TEX36: variants seen among roughly 807,000 people sequenced by gnomAD.
TEX36 encodes the protein testis expressed 36, also known as testis-expressed protein 36.
A neutral mutation model predicts 13.6 loss-of-function variants in TEX36; 12 were observed. The observed-to-expected ratio is 0.88, with a 90% CI of 0.56 to 1.43. TEX36 has a LOEUF of 1.43. Among genes scored for constraint, TEX36 ranks in the 40% most tolerant of loss-of-function variants. The pLI is 0.00. For missense variants in TEX36, 224 were observed against 228.3 expected (o/e 0.98, Z 0.12); for synonymous variants, 93 against 83.0 (o/e 1.12, Z -0.65).
chr10:125,602,386 C>A (rs777181215), intron 3 of TEX36, among the ~76,000 whole-genome samples: 2 of 152,166 alleles, frequency 1.3e-5, no homozygotes, highest in Non-Finnish European at 2.9e-5. Flanking sequence ...CTCATCACAT[C>A]CCTCTACCAC....
intron 3 of TEX36, among the ~76,000 whole-genome samples, chr10:125,603,212 C>T (rs1315812321): frequency 6.6e-6 from 1 of 152,200 alleles, no homozygotes; most frequent in African/African-American, 2.4e-5. Context: ...CTCTCCATGG[C>T]CCCCCGCCAG....
Position 125,656,144 on chromosome 10 carries a change from T to C in TEX36, c.317A>G (p.Asn106Ser). 6.5e-7 allele frequency: 1 copy of C among 1,546,232 alleles called. No individual in the cohort carries two copies. The highest frequency in any genetic ancestry group is 8.7e-7 in the Non-Finnish European group (1 of 1,145,556). ...ATAGTCACATGCCCAGAGATTAAAA[T>C]TTCTTGAAACATGTTGCCTCTTATC... is the stretch of plus-strand genomic sequence containing the variant. ...SPDKRQHVSRNFNLWACDYVP... is the reference protein window; with the variant it reads ...SPDKRQHVSRSFNLWACDYVP... Residue 106 changes from asparagine (N) to serine (S), a missense_variant, in exon 4 of 4, where the codon AAT becomes AGT. By Grantham distance (46) the Asn-to-Ser change is conservative. Transcript: ENST00000368821.
At chr10:125,615,241 G>T (rs297230) in intron 3 of TEX36, among the ~76,000 whole-genome samples, 36,791 of 151,604 alleles carry the variant, frequency 0.24, 4,822 homozygotes, top group African/African-American at 0.35. Context: ...GGGACAATTT[G>T]ACTTCCTCTT....
intron 1 of TEX36, chr10:125,667,242 TG>T: frequency 1.6e-6 from 1 of 629,644 alleles, no homozygotes; most frequent in Admixed American, 1.9e-5. Flanking sequence ...AGGGATGGCC[TG>T]GGGTGACCAT....
chr10:125,641,911 G>C (rs1846698467), intron 3 of TEX36, among the ~76,000 whole-genome samples: 1 of 152,166 alleles, frequency 6.6e-6, no homozygotes, highest in African/African-American at 2.4e-5. Context: ...TATCTCTTTT[G>C]TAGAAAACTA....
intron 1 of TEX36, among the ~76,000 whole-genome samples, chr10:125,664,984 T>C (rs533646629): frequency 3.5e-4 from 53 of 152,332 alleles, no homozygotes; most frequent in African/African-American, 1.2e-3. Flanking sequence ...TGAGCACCTT[T>C]CCATATACCT....
exon 4 of TEX36, chr10:125,576,580 AAG>A: frequency 1.1e-6 from 1 of 931,618 alleles, no homozygotes; most frequent in South Asian, 1.8e-5. Context: ...CAAGCAGAAT[AAG>A]AGGATTTCTC....
chr10:125,603,555 T>C (rs1232807392), intron 3 of TEX36, among the ~76,000 whole-genome samples: 4 of 152,110 alleles, frequency 2.6e-5, no homozygotes, highest in South Asian at 2.1e-4. Context: ...TGTGCCATCA[T>C]TCTCACCTCT....
At chr10:125,599,996 T>C (rs900214771) in intron 3 of TEX36, among the ~76,000 whole-genome samples, 7 of 152,172 alleles carry the variant, frequency 4.6e-5, no homozygotes, top group African/African-American at 1.7e-4. Context: ...AAAGCTTCAG[T>C]CCCTCATTTC....
chr10:125,640,938 A>G (rs11244592), intron 3 of TEX36, among the ~76,000 whole-genome samples: 11,370 of 151,556 alleles, frequency 0.075, 835 homozygotes, highest in East Asian at 0.31. Flanking sequence ...TTAGCTCATC[A>G]TTTCAACCCT....
At chr10:125,648,172 G>A (rs1846801373) in intron 3 of TEX36, among the ~76,000 whole-genome samples, 1 of 152,204 alleles carries the variant, frequency 6.6e-6, no homozygotes, top group African/African-American at 2.4e-5. Context: ...CCCAGCATGG[G>A]GTTTGAGATC....
intron 3 of TEX36, among the ~76,000 whole-genome samples, chr10:125,608,490 C>T (rs1220570756): frequency 5.3e-5 from 8 of 151,958 alleles, no homozygotes; most frequent in Admixed American, 5.2e-4. Context: ...TGTCTGTCCT[C>T]CACGAAGCCT....
At chr10:125,614,446 A>G (rs1846331439) in intron 3 of TEX36, among the ~76,000 whole-genome samples, 2 of 151,062 alleles carry the variant, frequency 1.3e-5, no homozygotes, top group Admixed American at 1.3e-4. Context: ...TCCATCTTGA[A>G]TTGATTTTTG....
chr10:125,681,307 A>C (rs1847388406), intron 1 of TEX36, among the ~76,000 whole-genome samples: 1 of 152,212 alleles, frequency 6.6e-6, no homozygotes. Flanking sequence ...TACTTAAGAA[A>C]TATAAATCCC....
At chr10:125,652,225 G>T (rs1048491056), downstream of TEX36, among the ~76,000 whole-genome samples, 7 of 152,128 alleles carry the variant, frequency 4.6e-5, no homozygotes, top group Non-Finnish European at 1.0e-4. Flanking sequence ...GAGGCATCAT[G>T]CTACCTAACT....
intron 1 of TEX36, chr10:125,667,394 A>G: frequency 1.5e-6 from 1 of 654,098 alleles, no homozygotes; most frequent in South Asian, 1.4e-5. Context: ...AGGCTCCGCA[A>G]TGGGCACAAT....
chr10:125,584,412 C>T (rs193177893), intron 3 of TEX36, among the ~76,000 whole-genome samples: 51 of 152,320 alleles, frequency 3.3e-4, no homozygotes, highest in Middle Eastern at 3.4e-3. Flanking sequence ...TCCTCGTAAT[C>T]CTACCCCTAA....
At chr10:125,601,008 TA>T (rs2133542131) in intron 3 of TEX36, among the ~76,000 whole-genome samples, 1 of 152,392 alleles carries the variant, frequency 6.6e-6, no homozygotes, top group African/African-American at 2.4e-5. Context: ...AATTTTGTTT[TA>T]GCTTTCTCAT....
At chr10:125,680,845 G>A (rs1265990169) in intron 1 of TEX36, among the ~76,000 whole-genome samples, 1 of 152,106 alleles carries the variant, frequency 6.6e-6, no homozygotes. Context: ...CCAGGGACTG[G>A]GCTACGTTTC....
Sources: allele counts gnomAD v4.1 joint callset (sites outside exome capture counted in the v4.1 genomes callset), GRCh38; gene constraint gnomAD v4.1.1; transcripts MANE v1.5; gene names NCBI Gene and HGNC (gene_info 2026-07-23, HGNC 2026-07-21).